RAP1GAP2: variants seen among roughly 807,000 people sequenced by gnomAD.
The protein encoded by RAP1GAP2 is RAP1 GTPase activating protein 2, also known as rap1 GTPase-activating protein 2.
RAP1GAP2 carries 27 observed loss-of-function variants against 95.0 expected under a neutral mutation model. That is an observed-to-expected ratio of 0.28 (90% confidence interval 0.21 to 0.39). The LOEUF is 0.39. Among genes scored for constraint, RAP1GAP2 ranks in the 10% least tolerant of loss-of-function variants. The probability of loss-of-function intolerance (pLI) is 1.00; values close to 1 mark genes in which losing one functional copy is unlikely to be tolerated. For missense variants in RAP1GAP2, 771 were observed against 970.0 expected, an observed-to-expected ratio of 0.79 and a Z score of 2.72; for synonymous variants, 373 against 380.9, an observed-to-expected ratio of 0.98 and a Z score of 0.24.
intron 3 of RAP1GAP2, among the ~76,000 whole-genome samples, chr17:2,924,926 A>G (rs960503067): frequency 1.3e-5 from 2 of 152,166 alleles, no homozygotes; most frequent in Non-Finnish European, 2.9e-5. Flanking sequence ...CCAGAATTGC[A>G]TCTCATCTCA....
In RAP1GAP2 at chr17:3,000,363, C is replaced by T. The variant is rs545161195; in HGVS notation, c.1200+1987C>T. On this transcript the variant is annotated intron_variant, in intron 14 of 24. Transcript: ENST00000254695. The stretch of plus-strand genomic sequence containing the variant: ...GTTGACTTACTCAGTGCCTACTGTG[C>T]GCCAAGCTCCAGGCTGGAATGGGGC... 2.0e-5 allele frequency among the ~76,000 whole-genome samples: 3 copies of T among 152,394 alleles called. No individual in the cohort carries two copies. In the South Asian group the frequency reaches 6.2e-4, roughly 32 times the overall value.
chr17:3,020,196 A>G (rs2046907674), intron 18 of RAP1GAP2, among the ~76,000 whole-genome samples: 1 of 152,134 alleles, frequency 6.6e-6, no homozygotes, highest in South Asian at 2.1e-4. Flanking sequence ...TGACCTTCTC[A>G]ATTTGGTGGG....
chr17:2,840,739 T>A (rs1401096414), intron 2 of RAP1GAP2, among the ~76,000 whole-genome samples: 2 of 152,194 alleles, frequency 1.3e-5, no homozygotes, highest in Admixed American at 6.5e-5. Context: ...GGCTCACGCC[T>A]GTAATCCCAG....
At chr17:2,775,113 T>C (rs116825888), upstream of RAP1GAP2, among the ~76,000 whole-genome samples, 2,672 of 150,438 alleles carry the variant, frequency 0.018, 77 homozygotes, top group African/African-American at 0.061. Flanking sequence ...ATTACAGGTG[T>C]GAGGCACCGC....
chr17:2,787,270 CT>C (rs1018205691), intron 1 of RAP1GAP2, among the ~76,000 whole-genome samples: 53 of 100,670 alleles, frequency 5.3e-4, no homozygotes, highest in East Asian at 3.3e-3. Flanking sequence ...TTTTTTTTTT[CT>C]TTTTTTTTTT....
chr17:2,816,132 G>A (rs79674657), intron 2 of RAP1GAP2, among the ~76,000 whole-genome samples: 10,620 of 152,238 alleles, frequency 0.07, 526 homozygotes, highest in Non-Finnish European at 0.091. Context: ...AAATAGGCGG[G>A]GGAGGGAAGA....
At chr17:2,900,638 C>T (rs2041998087) in intron 2 of RAP1GAP2, among the ~76,000 whole-genome samples, 1 of 152,108 alleles carries the variant, frequency 6.6e-6, no homozygotes, top group Admixed American at 6.6e-5. Context: ...GACAGGGTTT[C>T]ACCATGTTGG....
At chr17:2,916,875 C>CGG (rs1408841667) in intron 3 of RAP1GAP2, among the ~76,000 whole-genome samples, 3 of 152,310 alleles carry the variant, frequency 2.0e-5, no homozygotes. Context: ...TATGTATCTT[C>CGG]GGGCCCGTGG....
rs1567742865 is a variant in RAP1GAP2, at chr17:2,886,173, T to TATA, written c.81-19111_81-19110insATA. Among the ~76,000 whole-genome samples the TATA allele has an allele frequency of 1.5e-3, 146 of 97,678 alleles. 1 individual carries two copies. Among genetic ancestry groups the TATA allele is most frequent in the African/African-American group, 3.9e-3 (83 of 21,082 alleles). The allele number at this position is 97,678 out of a possible 152,430, so 64.1% of individuals were successfully genotyped here. On this transcript the variant is annotated intron_variant, in intron 2 of 24. Transcript: ENST00000254695. ...TGTGTGTGTGTGTGTATATATATAT[T>TATA]TTTTTTTTTTTTTTTTTGAGCCGGA...
intron 1 of RAP1GAP2, among the ~76,000 whole-genome samples, chr17:2,761,413 C>T (rs1043354039): frequency 7.9e-5 from 12 of 151,956 alleles, no homozygotes; most frequent in South Asian, 4.2e-4. Context: ...CTCAGCCTCC[C>T]AAACAGCTGG....
intron 3 of RAP1GAP2, among the ~76,000 whole-genome samples, chr17:2,932,128 T>G (rs905790063): frequency 2.0e-5 from 3 of 152,234 alleles, no homozygotes; most frequent in Non-Finnish European, 2.9e-5. Flanking sequence ...AGAGCCCAGA[T>G]AATTGAAATT....
At position 2,957,799 on chromosome 17, in the gene RAP1GAP2, G is replaced by C. The variant is rs755100917; in HGVS notation, c.201+5G>C. The C allele has an allele frequency of 4.5e-5, 71 of 1,593,838 alleles. 1 individual carries two copies. Among genetic ancestry groups the C allele is most frequent in the South Asian group, 5.6e-5 (5 of 88,590 alleles). ...GAGATGCTGGAGAAAATGCAGGTGA[G>C]TACGTACCCCCACCGTGGCGGGGAA... is the stretch of plus-strand genomic sequence containing the variant. On this transcript the variant is annotated splice_donor_5th_base_variant and intron_variant, in intron 4 of 24. Coordinates refer to ENST00000254695, the MANE Select transcript of RAP1GAP2 (RefSeq NM_015085.5).
chr17:2,778,815 A>C (rs1394228774), intron 1 of RAP1GAP2, among the ~76,000 whole-genome samples: 2 of 152,174 alleles, frequency 1.3e-5, no homozygotes, highest in African/African-American at 2.4e-5. Flanking sequence ...TGGGGTTTGA[A>C]GGAGAGGGAG....
rs1459408844 is a variant in RAP1GAP2 at position 2,963,542 on chromosome 17, G to C, written c.279+80G>C. ...CCTGGGGAAATGATGGCGATGGCCT[G>C]TGCCCAGCCCCCCAGGGGAGAGAAC... On this transcript the variant is annotated intron_variant, in intron 6 of 24. Transcript: ENST00000254695. The surrounding 1 kb of genome is among the most constrained non-coding windows in gnomAD (Gnocchi z 4.8). The C allele has an allele frequency of 2.5e-5, 40 of 1,576,322 alleles. No individual in the cohort carries two copies. The highest frequency in any genetic ancestry group is 3.5e-5 in the Non-Finnish European group (40 of 1,146,136).
At chr17:2,970,273 CAAAAA>C (rs869121536) in intron 8 of RAP1GAP2, among the ~76,000 whole-genome samples, 1 of 109,608 alleles carries the variant, frequency 9.1e-6, no homozygotes, top group South Asian at 3.0e-4. Context: ...GACTCTGTCT[CAAAAA>C]AAAAAAAAAA....
chr17:2,859,865 G>A lies in RAP1GAP2; in HGVS notation c.81-45419G>A, dbSNP rs1285911248. The stretch of plus-strand genomic sequence containing the variant: ...TATTTAACATGTTCTGCTGTCCCCT[G>A]TGTTACCTGTAAGTTGGTATTTAGT... On this transcript the variant is annotated intron_variant, in intron 2 of 24. Coordinates refer to ENST00000254695, the MANE Select transcript of RAP1GAP2 (RefSeq NM_015085.5). Among the ~76,000 whole-genome samples the A allele has an allele frequency of 6.6e-5, 10 of 151,792 alleles. No homozygotes were observed. In the East Asian group the frequency reaches 1.7e-3, roughly 26 times the overall value.
At chr17:2,787,813 C>T (rs1010837820) in intron 1 of RAP1GAP2, among the ~76,000 whole-genome samples, 13 of 152,000 alleles carry the variant, frequency 8.6e-5, no homozygotes, top group Admixed American at 2.6e-4. Context: ...GTGATCTGCC[C>T]GCCTCGGCCT....
intron 2 of RAP1GAP2, among the ~76,000 whole-genome samples, chr17:2,884,774 A>G (rs1039296211): frequency 3.9e-5 from 6 of 152,206 alleles, no homozygotes; most frequent in African/African-American, 1.2e-4. Context: ...TCATCTATAT[A>G]TAAGATGAAA....
intron 2 of RAP1GAP2, among the ~76,000 whole-genome samples, chr17:2,845,184 T>A (rs2071533707): frequency 6.6e-6 from 1 of 152,160 alleles, no homozygotes; most frequent in East Asian, 1.9e-4. Context: ...ACTCTGTTGC[T>A]CACGCTGGAG....
Sources: allele counts gnomAD v4.1 joint callset (sites outside exome capture counted in the v4.1 genomes callset), GRCh38; gene constraint gnomAD v4.1.1; non-coding constraint Gnocchi (gnomAD v3.1); transcripts MANE v1.5; gene names NCBI Gene and HGNC (gene_info 2026-07-23, HGNC 2026-07-21).